The following TPD52L1 variants were observed in gnomAD, a reference collection of about 807,000 sequenced individuals.
The protein encoded by TPD52L1 is TPD52 like 1.
TPD52L1 carries 18 observed loss-of-function variants against 28.7 expected under a neutral mutation model. That is an observed-to-expected ratio of 0.63 (90% CI 0.43 to 0.93). The LOEUF (loss-of-function observed/expected upper bound fraction) is 0.93, where lower values mean the gene tolerates loss of function less well. Among genes scored for constraint, TPD52L1 ranks in the 40% least tolerant of loss-of-function variants. TPD52L1 has a pLI of 0.00. For missense variants in TPD52L1, 203 were observed against 254.8 expected (o/e 0.80, Z 1.39); for synonymous variants, 75 against 88.8 (o/e 0.84, Z 0.88).
intron 5 of TPD52L1, among the ~76,000 whole-genome samples, chr6:125,256,464 A>T (rs761884612): frequency 3.3e-5 from 5 of 152,266 alleles, no homozygotes; most frequent in Non-Finnish European, 7.3e-5. Flanking sequence ...TTGATTGGGC[A>T]TTAGGTAGGT....
intron 1 of TPD52L1, among the ~76,000 whole-genome samples, chr6:125,164,775 T>C (rs934082856): frequency 6.6e-6 from 1 of 152,140 alleles, no homozygotes; most frequent in African/African-American, 2.4e-5. Flanking sequence ...GGATTTGTCC[T>C]TAAGCGACTC....
Position 125,184,341 on chromosome 6 carries a change from G to A in TPD52L1, c.19+30371G>A, listed in dbSNP as rs373624801. 2.6e-5 allele frequency among the ~76,000 whole-genome samples: 4 copies of A among 152,166 alleles called. No homozygotes were observed. The East Asian group carries it at 7.7e-4, about 29-fold the overall frequency. On this transcript the variant is annotated intron_variant, in intron 1 of 6. Coordinates refer to ENST00000534000, the MANE Select transcript of TPD52L1 (RefSeq NM_003287.4). ...GGATTTTTTTGACACCACATAGTTA[G>A]GGGCAGAAAACTGGGACCTCAGCCA... is the stretch of plus-strand genomic sequence containing the variant.
intron 1 of TPD52L1, among the ~76,000 whole-genome samples, chr6:125,173,417 C>A (rs1011368927): frequency 2.6e-5 from 4 of 152,148 alleles, no homozygotes; most frequent in African/African-American, 7.2e-5. Context: ...CCATTTTTCT[C>A]TTGATTAAAC....
chr6:125,203,303 T>C (rs1200277961), intron 1 of TPD52L1, among the ~76,000 whole-genome samples: 1 of 152,236 alleles, frequency 6.6e-6, no homozygotes, highest in African/African-American at 2.4e-5. Context: ...TTTTGTTTGT[T>C]TTTTTGCATA....
At chr6:125,172,778 TTG>T (rs1562215905) in intron 1 of TPD52L1, among the ~76,000 whole-genome samples, 1 of 151,076 alleles carries the variant, frequency 6.6e-6, no homozygotes, top group East Asian at 1.9e-4. Flanking sequence ...AGAACAGGGC[TTG>T]ACACACAGTA....
Position 125,183,265 on chromosome 6 carries a change from G to A in TPD52L1, c.19+29295G>A, listed in dbSNP as rs370009981. Among the ~76,000 whole-genome samples, 5 of 152,218 alleles carry A rather than the reference G, an allele frequency of 3.3e-5. No homozygotes were observed. In the East Asian group the frequency reaches 5.8e-4, roughly 18 times the overall value. On this transcript the variant is annotated intron_variant, in intron 1 of 6. Transcript: ENST00000534000. ...AGCCGAGGTGGGTGGATCACTTGAG[G>A]TCAGGAGTTCAAGACCAGCCTAGCC...
rs553075021 is a variant in TPD52L1, at chr6:125,240,092, C to A, written c.285-8190C>A. 2.0e-5 allele frequency among the ~76,000 whole-genome samples: 3 copies of A among 152,164 alleles called. 1 individual carries two copies. In the South Asian group the frequency reaches 6.2e-4, roughly 32 times the overall value. ...ATTTGTTGAATAGGGTGTCCTTTCC[C>A]CACTTTATGTTTTTGTTTGCTTTGC... On this transcript the variant is annotated intron_variant, in intron 3 of 6. Coordinates refer to ENST00000534000, the MANE Select transcript of TPD52L1 (RefSeq NM_003287.4).
chr6:125,166,421 T>C (rs1016858817), intron 1 of TPD52L1, among the ~76,000 whole-genome samples: 34 of 152,184 alleles, frequency 2.2e-4, no homozygotes, highest in African/African-American at 8.0e-4. Flanking sequence ...TTGGCTCCTG[T>C]TATTCCTCTT....
At chr6:125,237,703 GC>G (rs2115008268) in intron 3 of TPD52L1, among the ~76,000 whole-genome samples, 1 of 152,110 alleles carries the variant, frequency 6.6e-6, no homozygotes, top group South Asian at 2.1e-4. Flanking sequence ...TTAATTTATG[GC>G]GCAATTTCAG....
chr6:125,246,543 G>A (rs1450916070), intron 3 of TPD52L1, among the ~76,000 whole-genome samples: 1 of 152,102 alleles, frequency 6.6e-6, no homozygotes, highest in East Asian at 1.9e-4. Context: ...TGTATAAACT[G>A]CCTGAAATTC....
intron 1 of TPD52L1, among the ~76,000 whole-genome samples, chr6:125,203,375 G>A (rs553688221): frequency 1.4e-4 from 22 of 151,982 alleles, no homozygotes; most frequent in Admixed American, 9.8e-4. Context: ...ACTTTTTGTC[G>A]GGGGTGTTTT....
At chr6:125,214,074 C>T (rs1372075002) in intron 1 of TPD52L1, among the ~76,000 whole-genome samples, 1 of 152,090 alleles carries the variant, frequency 6.6e-6, no homozygotes, top group Non-Finnish European at 1.5e-5. Flanking sequence ...GGAGCTTTGG[C>T]CTGTGGTAGT....
At chr6:125,245,254 C>T (rs1396510044) in intron 3 of TPD52L1, among the ~76,000 whole-genome samples, 1 of 152,192 alleles carries the variant, frequency 6.6e-6, no homozygotes, top group South Asian at 2.1e-4. Flanking sequence ...CAGGATGTTA[C>T]AGGCAGCAGT....
intron 1 of TPD52L1, among the ~76,000 whole-genome samples, chr6:125,158,724 T>G (rs926480490): frequency 2.0e-5 from 3 of 152,168 alleles, no homozygotes; most frequent in Non-Finnish European, 2.9e-5. Context: ...CCATTCTTCC[T>G]TCTGTCAAAC....
chr6:125,223,479 T>TG (rs562026485), intron 2 of TPD52L1, among the ~76,000 whole-genome samples: 61 of 151,978 alleles, frequency 4.0e-4, no homozygotes, highest in African/African-American at 1.3e-3. Context: ...GAGGCCGAGG[T>TG]GGGGGGATCA....
At chr6:125,212,817 G>T (rs1430182879) in intron 1 of TPD52L1, among the ~76,000 whole-genome samples, 1 of 152,202 alleles carries the variant, frequency 6.6e-6, no homozygotes, top group African/African-American at 2.4e-5. Flanking sequence ...GTTCAGCTCT[G>T]CATGGGAGAC....
At chr6:125,243,917 G>A (rs907366214) in intron 3 of TPD52L1, among the ~76,000 whole-genome samples, 5 of 151,882 alleles carry the variant, frequency 3.3e-5, no homozygotes, top group Non-Finnish European at 7.4e-5. Flanking sequence ...CTTCTCATTT[G>A]GGTAGACTAT....
At chr6:125,209,457 G>T (rs1332312732) in intron 1 of TPD52L1, among the ~76,000 whole-genome samples, 1 of 152,128 alleles carries the variant, frequency 6.6e-6, no homozygotes. Context: ...GTCCCAGAAG[G>T]GTCTCTGGCT....
chr6:125,214,810 A>C (rs1794754901), intron 1 of TPD52L1, among the ~76,000 whole-genome samples: 1 of 152,188 alleles, frequency 6.6e-6, no homozygotes, highest in Admixed American at 6.6e-5. Flanking sequence ...GAAATTTTAA[A>C]ATTTTATAGC....
Sources: allele counts gnomAD v4.1 joint callset (sites outside exome capture counted in the v4.1 genomes callset), GRCh38; gene constraint gnomAD v4.1.1; transcripts MANE v1.5; gene names NCBI Gene and HGNC (gene_info 2026-07-23, HGNC 2026-07-21).